FTO: variants seen among roughly 807,000 people sequenced by gnomAD.
FTO encodes the protein FTO alpha-ketoglutarate dependent dioxygenase, also known as alpha-ketoglutarate-dependent dioxygenase FTO.
In FTO, 47 loss-of-function variants were observed where a neutral mutation model predicts 63.9. That is an observed-to-expected ratio of 0.74 (90% CI 0.58 to 0.94). The LOEUF (loss-of-function observed/expected upper bound fraction) is 0.94, where lower values mean the gene tolerates loss of function less well. Among genes scored for constraint, FTO ranks in the 40% least tolerant of loss-of-function variants. The pLI is 0.00. For synonymous variants in FTO, 207 were observed against 224.4 expected (o/e 0.92, Z 0.69); for missense variants, 562 against 618.1 (o/e 0.91, Z 0.96).
At chr16:54,080,776 G>C (rs1448363787) in intron 8 of FTO, among the ~76,000 whole-genome samples, 1 of 152,160 alleles carries the variant, frequency 6.6e-6, no homozygotes, top group Non-Finnish European at 1.5e-5. Context: ...AAACTCATGG[G>C]AAAAGGGACT....
intron 8 of FTO, among the ~76,000 whole-genome samples, chr16:53,985,624 T>G (rs1332079564): frequency 2.0e-5 from 3 of 152,208 alleles, no homozygotes; most frequent in Non-Finnish European, 4.4e-5. Context: ...AAATGCTGTG[T>G]GAGGTGGCAT....
intron 7 of FTO, chr16:53,923,259 C>G (rs757631173): frequency 2.6e-5 from 4 of 152,214 alleles, no homozygotes; most frequent in Non-Finnish European, 5.9e-5. Context: ...TTGGAAAGCT[C>G]TGCTTCTGTT....
intron 8 of FTO, among the ~76,000 whole-genome samples, chr16:53,976,561 C>A (rs1309803922): frequency 1.3e-5 from 2 of 151,914 alleles, no homozygotes; most frequent in African/African-American, 2.4e-5. Context: ...TTTTCATGCC[C>A]TTTTTGTCAG....
At chr16:53,840,678 T>C (rs1490081556) in intron 3 of FTO, among the ~76,000 whole-genome samples, 3 of 152,214 alleles carry the variant, frequency 2.0e-5, no homozygotes, top group African/African-American at 7.2e-5. Flanking sequence ...CGGGACTGAT[T>C]TGCCTGTGAT....
At chr16:53,880,075 A>C in intron 6 of FTO, 88 bp downstream of exon 6, 3 of 935,404 alleles carry the variant, frequency 3.2e-6, no homozygotes, top group Non-Finnish European at 5.0e-6. Context: ...GCTCACTACA[A>C]CCTCCATCTC....
At chr16:53,986,126 T>C (rs1567496805) in intron 8 of FTO, among the ~76,000 whole-genome samples, 1 of 152,230 alleles carries the variant, frequency 6.6e-6, no homozygotes, top group Non-Finnish European at 1.5e-5. Flanking sequence ...ACTGATAGAC[T>C]ATTCTACTTT....
rs2082765248 is a variant in FTO, at chr16:53,950,419, G to A, written c.1364+16310G>A. On this transcript the variant is annotated intron_variant, in intron 8 of 8. Coordinates refer to ENST00000471389, the MANE Select transcript of FTO (RefSeq NM_001080432.3). Reference sequence around the variant, plus strand: ...TCTTCTAAAGATCAAATGAGTATACGAGAAATGTTTTACAATTGTATAGCT... The same window carrying A: ...TCTTCTAAAGATCAAATGAGTATACAAGAAATGTTTTACAATTGTATAGCT... Among the ~76,000 whole-genome samples, 7 of 152,172 alleles carry A rather than the reference G, an allele frequency of 4.6e-5. No individual in the cohort carries two copies. The South Asian group carries it at 1.5e-3, about 32-fold the overall frequency.
intron 8 of FTO, among the ~76,000 whole-genome samples, chr16:54,078,964 A>G (rs921192299): frequency 6.6e-6 from 1 of 152,236 alleles, no homozygotes; most frequent in Non-Finnish European, 1.5e-5. Flanking sequence ...TGGTAAATGA[A>G]CATGTTCTTC....
chr16:54,038,405 T>C (rs1287115490), intron 8 of FTO, among the ~76,000 whole-genome samples: 1 of 152,162 alleles, frequency 6.6e-6, no homozygotes, highest in African/African-American at 2.4e-5. Context: ...TGCATTGTGA[T>C]TATGCCCAAC....
intron 7 of FTO, among the ~76,000 whole-genome samples, chr16:53,907,695 C>T (rs2081573903): frequency 6.6e-6 from 1 of 152,144 alleles, no homozygotes; most frequent in Non-Finnish European, 1.5e-5. Context: ...CCACAATGGC[C>T]CTTTCTCAAT....
At chr16:53,789,112 C>T (rs2151681174) in intron 1 of FTO, among the ~76,000 whole-genome samples, 1 of 152,228 alleles carries the variant, frequency 6.6e-6, no homozygotes, top group Non-Finnish European at 1.5e-5. Flanking sequence ...ACTTCATGTG[C>T]CAGATTTTTC....
Position 54,120,537 on chromosome 16 carries a change from C to G in FTO, c.*8622C>G, listed in dbSNP as rs532481487. ...TACCACATTTGCAAAGGCACATACCCCAAAGAGAAGTTTTTAATATGTCAC... is the reference window on the plus strand; with the variant it reads ...TACCACATTTGCAAAGGCACATACCGCAAAGAGAAGTTTTTAATATGTCAC... On this transcript the variant is annotated 3_prime_UTR_variant, in exon 9 of 9. Coordinates refer to ENST00000471389, the MANE Select transcript of FTO (RefSeq NM_001080432.3). The G allele has an allele frequency of 6.6e-6, 1 of 152,240 alleles. No individual in the cohort carries two copies. Among genetic ancestry groups the G allele is most frequent in the East Asian group, 1.9e-4 (1 of 5,184 alleles). 9.4% of individuals were successfully genotyped at this position (152,240 alleles called of 1,614,324 possible).
intron 1 of FTO, among the ~76,000 whole-genome samples, chr16:53,716,866 T>C (rs1020113019): frequency 2.0e-5 from 3 of 150,960 alleles, no homozygotes; most frequent in African/African-American, 7.3e-5. Context: ...AGTGTATTGC[T>C]TAGAATATTG....
chr16:53,836,847 T>G (rs2079307645), intron 3 of FTO, among the ~76,000 whole-genome samples: 1 of 152,156 alleles, frequency 6.6e-6, no homozygotes, highest in Admixed American at 6.5e-5. Context: ...TTCTTTTTCC[T>G]GAGCTTTGGG....
At chr16:53,830,466 G>T (rs2079114195) in intron 3 of FTO, among the ~76,000 whole-genome samples, 1 of 152,146 alleles carries the variant, frequency 6.6e-6, no homozygotes, top group Non-Finnish European at 1.5e-5. Flanking sequence ...GTAACTATTG[G>T]CTACCATTTT....
In FTO at chr16:53,815,472, C is replaced by T. The variant is rs115185310; in HGVS notation, c.123+5255C>T. Among the ~76,000 whole-genome samples the T allele has an allele frequency of 2.6e-3, 400 of 152,116 alleles. 2 individuals are homozygous for T. The highest frequency in any genetic ancestry group is 0.011 in the South Asian group (51 of 4,820). Reference sequence around the variant, plus strand: ...GGCCACATTGATCACTTTCTGCCTCCGCAGTTTTAGCATCCTCCTGATTAG... The same window carrying T: ...GGCCACATTGATCACTTTCTGCCTCTGCAGTTTTAGCATCCTCCTGATTAG... On this transcript the variant is annotated intron_variant, in intron 2 of 8. Transcript: ENST00000471389.
chr16:53,860,579 C>G lies in FTO; in HGVS notation c.896-13207C>G, dbSNP rs896666622. Among the ~76,000 whole-genome samples, 6 of 152,274 alleles carry G rather than the reference C, an allele frequency of 3.9e-5. No homozygotes were observed. In the East Asian group the frequency reaches 1.2e-3, roughly 29 times the overall value. On this transcript the variant is annotated intron_variant, in intron 4 of 8. Coordinates refer to ENST00000471389, the MANE Select transcript of FTO (RefSeq NM_001080432.3). ...GGAAAGCAAAAAGGGGGAGCCAGCCCTTCACATGCCCGGAGCAGGAGGAAG... is the reference window on the plus strand; with the variant it reads ...GGAAAGCAAAAAGGGGGAGCCAGCCGTTCACATGCCCGGAGCAGGAGGAAG...
At chr16:53,738,999 A>AT (rs1288585596) in intron 1 of FTO, among the ~76,000 whole-genome samples, 2 of 151,794 alleles carry the variant, frequency 1.3e-5, no homozygotes, top group East Asian at 3.9e-4. Context: ...CTTTTAAAAA[A>AT]TTTTTTGTAG....
At chr16:53,908,372 C>T (rs4784330) in intron 7 of FTO, among the ~76,000 whole-genome samples, 135,188 of 152,184 alleles carry the variant, frequency 0.89, 60,246 homozygotes, top group East Asian at 1. Flanking sequence ...TTGCCTCTGG[C>T]AGAACCTCAG....
Sources: gnomAD v4.1 joint callset for allele counts (sites outside exome capture counted in the v4.1 genomes callset) on GRCh38, gnomAD v4.1.1 for gene constraint, MANE v1.5 for transcripts, NCBI Gene and HGNC (gene_info 2026-07-23, HGNC 2026-07-21) for gene names.